CFAP65: variants seen among roughly 807,000 people sequenced by gnomAD.
CFAP65 encodes the protein cilia- and flagella-associated protein 65.
In CFAP65, 155 loss-of-function variants were observed where a neutral mutation model predicts 208.0. The ratio of observed to expected loss-of-function variants is 0.75; its 90% confidence interval spans 0.65 to 0.85. CFAP65 has a LOEUF of 0.85. Ranked by LOEUF, CFAP65 falls within the 40% of genes least tolerant of loss-of-function variation. CFAP65 has a pLI of 0.00. For synonymous variants in CFAP65, 970 were observed against 986.3 expected, an observed-to-expected ratio of 0.98 and a Z score of 0.31; for missense variants, 2,294 against 2,451.3, an observed-to-expected ratio of 0.94 and a Z score of 1.36.
rs993993586 is a variant in CFAP65 at position 219,022,412 on chromosome 2, C to A, written c.2821-83G>T. 8 of 1,454,970 alleles carry A rather than the reference C, an allele frequency of 5.5e-6. No individual in the cohort carries two copies. The African/African-American group carries it at 8.4e-5, about 15-fold the overall frequency. 90.1% of individuals were successfully genotyped at this position (1,454,970 alleles called of 1,614,324 possible). ...GGCCATCCGAGGCCCCATGGCAGGG[C>A]GTCATGCTACGTTAGCCCTTTCTCA... On this transcript the variant is annotated intron_variant, in intron 16 of 34. Transcript: ENST00000341552.
At position 219,009,390 on chromosome 2, in the gene CFAP65, G is replaced by GTGA; in HGVS notation, c.4522_4523insTCA (p.Ala1508delinsValThr). 1 of 1,612,670 alleles carries GTGA rather than the reference G, an allele frequency of 6.2e-7. No homozygotes were observed. The highest frequency in any genetic ancestry group is 8.5e-7 in the Non-Finnish European group (1 of 1,179,906). On this transcript the variant is annotated protein_altering_variant, in exon 28 of 35. Transcript: ENST00000341552. ...ACTGTAGAAGCTGGCATGCACAGAG[G>GTGA]CCCTCAAGGTCACCACAAATGGGAC...
At chr2:219,023,067 T>C (rs1947372268) in intron 16 of CFAP65, 140 bp downstream of exon 16, 1 of 714,192 alleles carries the variant, frequency 1.4e-6, no homozygotes, top group Admixed American at 2.4e-5. Flanking sequence ...AGGGTAATAA[T>C]AACACCTCAT....
chr2:219,004,369 T>G lies in CFAP65; in HGVS notation c.5138A>C (p.Glu1713Ala). Residue 1713 changes from glutamate to alanine, a missense_variant, in exon 33 of 35, where the codon GAG (glutamate) becomes GCG (alanine). Glu to Ala is a moderately radical substitution (Grantham distance 107). Transcript: ENST00000341552. This position sits in a 1 kb window ranked among gnomAD's most constrained non-coding sequence, Gnocchi z 4.7. ...QVPYFRQFWN[E>A]QSTKFMDQKN... ...CTGGTCCATGAACTTAGTTGACTGC[T>G]CATTCCAGAATTGGCGGAAGTACGG... is the stretch of plus-strand genomic sequence containing the variant. 1 of 1,614,114 alleles carries G rather than the reference T, an allele frequency of 6.2e-7. No individual in the cohort carries two copies. Among genetic ancestry groups the G allele is most frequent in the East Asian group, 2.2e-5 (1 of 44,872 alleles).
intron 2 of CFAP65, among the ~76,000 whole-genome samples, chr2:219,039,826 A>G (rs1948568635): frequency 6.6e-6 from 1 of 152,212 alleles, no homozygotes. Flanking sequence ...CTGAATAGCT[A>G]CATATGGCTA....
chr2:219,026,356 T>C (rs1174255612), intron 13 of CFAP65, among the ~76,000 whole-genome samples, 197 bp from the exon 14 acceptor site: 1 of 152,160 alleles, frequency 6.6e-6, no homozygotes, highest in Non-Finnish European at 1.5e-5. Context: ...CCTGCATCCA[T>C]ATAGCAATGC....
chr2:219,027,604 T>G, intron 13 of CFAP65, 46 bp downstream of exon 13: 1 of 1,613,200 alleles, frequency 6.2e-7, no homozygotes, highest in Non-Finnish European at 8.5e-7. Context: ...CCACTCAGGC[T>G]CCTAGCAGAG....
Position 219,023,343 on chromosome 2 carries a change from C to T in CFAP65, c.2684G>A (p.Cys895Tyr). The T allele has an allele frequency of 6.2e-7, 1 of 1,610,652 alleles. No homozygotes were observed. The highest frequency in any genetic ancestry group is 8.5e-7 in the Non-Finnish European group (1 of 1,178,538). ...GAAGGTGAAGGGGCTGGTGGAGGAG[C>T]AGCCCACCCAGGTGGGCTTGAAGTA... ...SLYFKPTWVG[C>Y]SSTSPFTFRN... The change falls in exon 16 of 35, where the codon TGC (cysteine) becomes TAC (tyrosine). Residue 895 changes from cysteine (C) to tyrosine (Y), a missense_variant. Coordinates refer to ENST00000341552, the MANE Select transcript of CFAP65 (RefSeq NM_194302.4).
rs563422647 is a variant in CFAP65, at chr2:219,035,046, G to A, written c.542+434C>T. 14 of 318,570 alleles carry A rather than the reference G, an allele frequency of 4.4e-5. No individual in the cohort carries two copies. The South Asian group carries it at 7.0e-4, about 16-fold the overall frequency. 19.7% of individuals were successfully genotyped at this position (318,570 alleles called of 1,614,324 possible). ...CAGAAAAGACAGAAGGTGGAGCAAGGTGGTGGAATAGAAGGTTCCATCCCG... is the reference window on the plus strand; with the variant it reads ...CAGAAAAGACAGAAGGTGGAGCAAGATGGTGGAATAGAAGGTTCCATCCCG... On this transcript the variant is annotated intron_variant, in intron 5 of 34. Coordinates refer to ENST00000341552, the MANE Select transcript of CFAP65 (RefSeq NM_194302.4).
intron 11 of CFAP65, 47 bp from the exon 12 acceptor site, chr2:219,028,448 G>T: frequency 7.0e-7 from 1 of 1,432,998 alleles, no homozygotes; most frequent in South Asian, 1.1e-5. Context: ...GGGTGGTAGG[G>T]CAAGGGGGGT....
At chr2:219,023,903 A>G (rs968264238) in intron 15 of CFAP65, 112 bp downstream of exon 15, 13 of 1,295,450 alleles carry the variant, frequency 1.0e-5, no homozygotes, top group Middle Eastern at 2.1e-4. Flanking sequence ...CCTGGAGGAG[A>G]AGTGGCCCCC....
Position 219,031,727 on chromosome 2 carries a change from C to A in CFAP65, c.646-69G>T. The A allele has an allele frequency of 6.5e-7, 1 of 1,530,424 alleles. No individual in the cohort carries two copies. The highest frequency in any genetic ancestry group is 8.8e-7 in the Non-Finnish European group (1 of 1,134,876). The allele number at this position is 1,530,424 out of a possible 1,614,324, so 94.8% of individuals were successfully genotyped here. ...TTCAGGGACTGCACATCCCGCCCAC[C>A]CTCAGCCACCCCCAACACAACCGCT... On this transcript the variant is annotated intron_variant, in intron 6 of 34. Transcript: ENST00000341552. The surrounding 1 kb of genome is among the most constrained non-coding windows in gnomAD (Gnocchi z 5.2).
chr2:219,023,624 T>C (rs755699327), intron 15 of CFAP65, among the ~76,000 whole-genome samples, 193 bp from the exon 16 acceptor site: 44 of 152,322 alleles, frequency 2.9e-4, no homozygotes, highest in Non-Finnish European at 5.7e-4. Context: ...AGATAATTCT[T>C]GAAAAGAACT....
chr2:219,004,462 G>A lies in CFAP65; in HGVS notation c.5052-7C>T. ...CTTGTCTTCCAGCAGGCCCCTAGGT[G>A]GCAGGGAGAAGGAGAAGGCCCTTGC... is the stretch of plus-strand genomic sequence containing the variant. On this transcript the variant is annotated splice_polypyrimidine_tract_variant and splice_region_variant and intron_variant, in intron 32 of 34. Coordinates refer to ENST00000341552, the MANE Select transcript of CFAP65 (RefSeq NM_194302.4). This position sits in a 1 kb window ranked among gnomAD's most constrained non-coding sequence, Gnocchi z 4.7. 1 of 1,597,546 alleles carries A rather than the reference G, an allele frequency of 6.3e-7. No individual in the cohort carries two copies. Among genetic ancestry groups the A allele is most frequent in the Non-Finnish European group, 8.5e-7 (1 of 1,172,000 alleles).
At chr2:219,026,477 G>A (rs150784134) in intron 13 of CFAP65, 19 of 240,080 alleles carry the variant, frequency 7.9e-5, no homozygotes, top group Middle Eastern at 2.6e-3. Context: ...TATCACGTGA[G>A]CCACAAATGC....
chr2:219,021,076 C>A, intron 19 of CFAP65, 76 bp downstream of exon 19: 1 of 1,433,310 alleles, frequency 7.0e-7, no homozygotes, highest in South Asian at 1.7e-5. Flanking sequence ...GCTCGGCATC[C>A]ACTGCCTCAC....
At chr2:219,005,887 G>T in intron 31 of CFAP65, 134 bp downstream of exon 31, 2 of 930,088 alleles carry the variant, frequency 2.2e-6, no homozygotes, top group Non-Finnish European at 3.3e-6. Context: ...GGGCCCAGAG[G>T]CGCTCAATGA....
At chr2:219,028,094 G>A (rs2106211801) in intron 12 of CFAP65, 85 bp from the exon 13 acceptor site, 12 of 1,551,092 alleles carry the variant, frequency 7.7e-6, no homozygotes, top group Middle Eastern at 1.8e-4. Flanking sequence ...GTCTAGAAAG[G>A]CTACACCAGT....
Position 219,031,194 on chromosome 2 carries a change from G to A in CFAP65, c.927C>T (p.Pro309=). The A allele has an allele frequency of 6.2e-7, 1 of 1,613,206 alleles. No individual in the cohort carries two copies. The highest frequency in any genetic ancestry group is 8.5e-7 in the Non-Finnish European group (1 of 1,179,716). Residue 309 remains proline (P), a synonymous_variant, in exon 8 of 35, where the codon CCC becomes CCT. Coordinates refer to ENST00000341552, the MANE Select transcript of CFAP65 (RefSeq NM_194302.4). This position sits in a 1 kb window ranked among gnomAD's most constrained non-coding sequence, Gnocchi z 5.2. ...GCACCTCGTAGATGACGGCTGTAAG[G>A]GGCTGAAAGGTCACCTTGATCTGAG... The part of the protein sequence containing the change: ...QASQIKVTFQ[P]LTAVIYEVQA...
Position 219,031,032 on chromosome 2 carries a change from G to A in CFAP65, c.1015+74C>T, listed in dbSNP as rs987552964. ...GGGGGCCAGGCCAGATGGGAGGTGGGGGACACTGAGGCCTGGAGGACCCAG... is the reference window on the plus strand; with the variant it reads ...GGGGGCCAGGCCAGATGGGAGGTGGAGGACACTGAGGCCTGGAGGACCCAG... On this transcript the variant is annotated intron_variant, in intron 8 of 34. Transcript: ENST00000341552. The surrounding 1 kb of genome is among the most constrained non-coding windows in gnomAD (Gnocchi z 5.2). 17 of 1,494,808 alleles carry A rather than the reference G, an allele frequency of 1.1e-5. No homozygotes were observed. The African/African-American group carries it at 1.9e-4, about 17-fold the overall frequency. The allele number at this position is 1,494,808 out of a possible 1,614,324, so 92.6% of individuals were successfully genotyped here.
Sources: allele counts gnomAD v4.1 joint callset (sites outside exome capture counted in the v4.1 genomes callset), GRCh38; gene constraint gnomAD v4.1.1; non-coding constraint Gnocchi (gnomAD v3.1); transcripts MANE v1.5; gene names NCBI Gene and HGNC (gene_info 2026-07-23, HGNC 2026-07-21).